Variants in SLC39A12 observed in about 807,000 individuals in gnomAD.
SLC39A12 encodes the protein solute carrier family 39 member 12.
Under a neutral mutation model 71.1 loss-of-function variants are expected in SLC39A12, and 63 were observed. That is an observed-to-expected ratio of 0.89 (90% CI 0.72 to 1.09). The LOEUF (loss-of-function observed/expected upper bound fraction) is 1.09, where lower values mean the gene tolerates loss of function less well. Among genes scored for constraint, SLC39A12 ranks in the 50% least tolerant of loss-of-function variants. The pLI, the probability that SLC39A12 is intolerant of heterozygous loss-of-function variation, is 0.00. For missense variants in SLC39A12, 892 were observed against 812.6 expected, an observed-to-expected ratio of 1.10 and a Z score of -1.19; for synonymous variants, 351 against 301.3, an observed-to-expected ratio of 1.16 and a Z score of -1.71.
chr10:17,981,890 G>A (rs1337006249), intron 6 of SLC39A12, among the ~76,000 whole-genome samples: 1 of 152,164 alleles, frequency 6.6e-6, no homozygotes, highest in Admixed American at 6.5e-5. Flanking sequence ...TAGCTGAGAG[G>A]TGACATGGTA....
chr10:17,989,918 A>G lies in SLC39A12; in HGVS notation c.1270-1233A>G, dbSNP rs182179602. Reference sequence around the variant, plus strand: ...AGAACGAGACTCTGTCTCACGAAAAAAAAAAGAGACGAGGACGAAAGTTGT... The same window carrying G: ...AGAACGAGACTCTGTCTCACGAAAAGAAAAAGAGACGAGGACGAAAGTTGT... On this transcript the variant is annotated intron_variant, in intron 7 of 12. Coordinates refer to ENST00000377369, the MANE Select transcript of SLC39A12 (RefSeq NM_001145195.2). Among the ~76,000 whole-genome samples, 931 of 152,262 alleles carry G rather than the reference A, an allele frequency of 6.1e-3. 5 individuals are homozygous for G. Among genetic ancestry groups the G allele is most frequent in the Non-Finnish European group, 0.01 (701 of 68,016 alleles).
chr10:17,983,301 A>T (rs947087980), intron 6 of SLC39A12, among the ~76,000 whole-genome samples: 3 of 151,674 alleles, frequency 2.0e-5, no homozygotes, highest in African/African-American at 7.3e-5. Context: ...GACTAGCCTG[A>T]GCAACATAGG....
intron 4 of SLC39A12, among the ~76,000 whole-genome samples, chr10:17,971,754 C>G (rs901643966): frequency 1.3e-5 from 2 of 151,692 alleles, no homozygotes; most frequent in Admixed American, 1.3e-4. Context: ...AAAGGCTTGT[C>G]AATGTTCTTT....
At chr10:18,010,484 C>G (rs1320155170) in intron 12 of SLC39A12, 3 of 152,158 alleles carry the variant, frequency 2.0e-5, no homozygotes, top group Non-Finnish European at 4.4e-5. Flanking sequence ...ATTTAACATT[C>G]ACAATTATTT....
chr10:17,986,949 G>C (rs909747027), intron 6 of SLC39A12, among the ~76,000 whole-genome samples: 3 of 152,132 alleles, frequency 2.0e-5, no homozygotes, highest in African/African-American at 7.2e-5. Flanking sequence ...GGATTATAGT[G>C]AGCTATAATC....
intron 3 of SLC39A12, among the ~76,000 whole-genome samples, chr10:17,962,324 A>T (rs533269954): frequency 2.2e-4 from 34 of 152,328 alleles, no homozygotes; most frequent in Non-Finnish European, 4.7e-4. Context: ...AGCATTACTC[A>T]TGGTTGCCAG....
At chr10:18,029,202 T>C (rs548039682) in intron 12 of SLC39A12, among the ~76,000 whole-genome samples, 1 of 152,268 alleles carries the variant, frequency 6.6e-6, no homozygotes, top group African/African-American at 2.4e-5. Flanking sequence ...CTTTCTAAAA[T>C]GTTCAGAAAT....
intron 2 of SLC39A12, among the ~76,000 whole-genome samples, chr10:17,960,689 G>T (rs782153228): frequency 6.6e-6 from 1 of 152,136 alleles, no homozygotes; most frequent in African/African-American, 2.4e-5. Context: ...TTTTTAAATG[G>T]TGTATTCCAG....
chr10:18,042,183 A>C (rs1231090100), intron 12 of SLC39A12, among the ~76,000 whole-genome samples: 1 of 152,140 alleles, frequency 6.6e-6, no homozygotes, highest in African/African-American at 2.4e-5. Context: ...TCATTTTAAG[A>C]CTTCTACCAA....
chr10:17,953,203 T>A lies in SLC39A12; in HGVS notation c.-74T>A. On this transcript the variant is annotated 5_prime_UTR_variant, in exon 2 of 13. Coordinates refer to ENST00000377369, the MANE Select transcript of SLC39A12 (RefSeq NM_001145195.2). The stretch of plus-strand genomic sequence containing the variant: ...CCCTTTACCACAGAAATTCCTTTGG[T>A]TACAAGTTTACCCCATAAACGGCAA... The A allele has an allele frequency of 6.6e-7, 1 of 1,525,892 alleles. No individual in the cohort carries two copies. The highest frequency in any genetic ancestry group is 8.8e-7 in the Non-Finnish European group (1 of 1,133,440). The allele number at this position is 1,525,892 out of a possible 1,614,324, so 94.5% of individuals were successfully genotyped here.
At chr10:17,981,041 A>G (rs191899684) in intron 5 of SLC39A12, among the ~76,000 whole-genome samples, 4 of 152,174 alleles carry the variant, frequency 2.6e-5, no homozygotes, top group African/African-American at 9.6e-5. Flanking sequence ...GTAAAACACA[A>G]TGTGTCTTTC....
At chr10:18,010,094 T>C (rs2130859047) in intron 12 of SLC39A12, among the ~76,000 whole-genome samples, 1 of 152,352 alleles carries the variant, frequency 6.6e-6, no homozygotes, top group African/African-American at 2.4e-5. Context: ...TCCCCATTTT[T>C]CTTTCTTTTT....
chr10:17,998,376 C>T (rs1835743788), intron 10 of SLC39A12, among the ~76,000 whole-genome samples: 1 of 152,122 alleles, frequency 6.6e-6, no homozygotes, highest in African/African-American at 2.4e-5. Context: ...GTGGAAATTA[C>T]AAGTTTATTT....
chr10:17,970,106 G>C (rs1025505635), intron 4 of SLC39A12, among the ~76,000 whole-genome samples: 3 of 152,122 alleles, frequency 2.0e-5, no homozygotes, highest in Admixed American at 1.3e-4. Flanking sequence ...TTAGGTGTGT[G>C]TATTTGTTGC....
intron 2 of SLC39A12, among the ~76,000 whole-genome samples, chr10:17,961,114 A>G (rs183878438): frequency 4.6e-5 from 7 of 152,288 alleles, no homozygotes; most frequent in Admixed American, 3.9e-4. Flanking sequence ...TGAGGGGAAC[A>G]AGAAGACCTG....
chr10:17,986,356 C>T (rs866543301), intron 6 of SLC39A12, among the ~76,000 whole-genome samples: 2 of 152,124 alleles, frequency 1.3e-5, no homozygotes, highest in Admixed American at 6.5e-5. Context: ...TAACAAAATA[C>T]CACAAACGGA....
At chr10:17,969,374 C>A (rs78999316) in intron 4 of SLC39A12, among the ~76,000 whole-genome samples, 1 of 152,088 alleles carries the variant, frequency 6.6e-6, no homozygotes, top group Non-Finnish European at 1.5e-5. Context: ...CGATCGTTCT[C>A]CATAGGGGTC....
chr10:18,039,898 G>C (rs577061917), intron 12 of SLC39A12, among the ~76,000 whole-genome samples: 1 of 152,046 alleles, frequency 6.6e-6, no homozygotes, highest in African/African-American at 2.4e-5. Flanking sequence ...TAATATCAAG[G>C]CATTTAGAAA....
At chr10:18,029,113 C>T (rs1345483221) in intron 12 of SLC39A12, among the ~76,000 whole-genome samples, 3 of 151,956 alleles carry the variant, frequency 2.0e-5, no homozygotes, top group South Asian at 2.1e-4. Flanking sequence ...ACTCGTGATC[C>T]GCCCACCTCG....
Sources: gnomAD v4.1 joint callset for allele counts (sites outside exome capture counted in the v4.1 genomes callset) on GRCh38, gnomAD v4.1.1 for gene constraint, MANE v1.5 for transcripts, NCBI Gene and HGNC (gene_info 2026-07-23, HGNC 2026-07-21) for gene names.